The following CARF variants were observed in gnomAD, a reference collection of about 807,000 sequenced individuals.
The protein encoded by CARF is calcium-responsive transcription factor.
CARF carries 57 observed loss-of-function variants against 82.0 expected under a neutral mutation model. The observed-to-expected ratio is 0.70, with a 90% confidence interval of 0.56 to 0.87. CARF has a LOEUF of 0.87. CARF is among the 40% of genes least tolerant of loss of function. The probability of loss-of-function intolerance (pLI) is 0.00; values close to 1 mark genes in which losing one functional copy is unlikely to be tolerated. For synonymous variants in CARF, 268 were observed against 290.1 expected (o/e 0.92, Z 0.77); for missense variants, 771 against 855.8 (o/e 0.90, Z 1.24).
chr2:202,954,130 A>T lies in CARF; in HGVS notation c.553A>T (p.Thr185Ser). ...TSFPLPKKSV[T>S]GMLEEPLLGP... ...CTTCCCATTGCCCAAAAAGTCAGTG[A>T]CCGGGTGAGTCCACGGGAAAGAGAA... The change falls in exon 7 of 17, where the codon ACC (threonine) becomes TCC (serine). Residue 185 changes from threonine to serine, a missense_variant. Physicochemically the swap from Thr to Ser is moderately conservative, Grantham distance 58. Transcript: ENST00000438828. 1 of 1,612,290 alleles carries T rather than the reference A, an allele frequency of 6.2e-7. No individual in the cohort carries two copies. Among genetic ancestry groups the T allele is most frequent in the South Asian group, 1.1e-5 (1 of 90,686 alleles).
chr2:202,912,881 A>G lies in CARF; in HGVS notation c.-551A>G, dbSNP rs1041035742. 4 of 151,726 alleles carry G rather than the reference A, an allele frequency of 2.6e-5. No individual in the cohort carries two copies. Among genetic ancestry groups the G allele is most frequent in the Admixed American group, 2.6e-4 (4 of 15,228 alleles). The allele number at this position is 151,726 out of a possible 1,614,324, so 9.4% of individuals were successfully genotyped here. A position where few individuals can be genotyped will look rare whatever the true frequency, so the allele number is the denominator to read the frequency against. ...TAGAAGGGGAAAATCATCCTCCCAC[A>G]CCTTCTCCCCGACTTTTTGCCTTTT... On this transcript the variant is annotated 5_prime_UTR_variant, in exon 1 of 17. Coordinates refer to ENST00000438828, the MANE Select transcript of CARF (RefSeq NM_024744.17).
intron 5 of CARF, among the ~76,000 whole-genome samples, chr2:202,948,747 C>T (rs187376048): frequency 7.2e-5 from 11 of 152,080 alleles, no homozygotes; most frequent in South Asian, 2.1e-4. Context: ...AGCTTTTGGA[C>T]GGAGAATATG....
At chr2:202,967,760 A>G (rs2059613212) in intron 10 of CARF, among the ~76,000 whole-genome samples, 1 of 152,226 alleles carries the variant, frequency 6.6e-6, no homozygotes, top group Non-Finnish European at 1.5e-5. Context: ...TTGCTAGGGC[A>G]AAGGCTGTAT....
rs1260005267 is a variant in CARF at position 202,961,276 on chromosome 2, A to C, written c.682A>C (p.Thr228Pro). The C allele has an allele frequency of 1.2e-6, 2 of 1,614,054 alleles. No individual in the cohort carries two copies. The highest frequency in any genetic ancestry group is 3.3e-5 in the Admixed American group (2 of 59,998). Reference sequence around the variant, plus strand: ...ATACCGTGGCTACTGTGTAAGTGAGACTGAATTAGAAAGTGTCCTAACATT... The same window carrying C: ...ATACCGTGGCTACTGTGTAAGTGAGCCTGAATTAGAAAGTGTCCTAACATT... ...DSYRGYCVSE[T>P]ELESVLTFHK... Residue 228 changes from threonine (T) to proline (P), a missense_variant, in exon 9 of 17, where the codon ACT becomes CCT. Coordinates refer to ENST00000438828, the MANE Select transcript of CARF (RefSeq NM_024744.17).
At chr2:202,942,068 T>A (rs570173999) in intron 4 of CARF, 88 bp downstream of exon 4, 18 of 1,034,770 alleles carry the variant, frequency 1.7e-5, no homozygotes, top group Non-Finnish European at 2.5e-5. Flanking sequence ...ATAGCTGTTA[T>A]ATTTAGTGTA....
intron 3 of CARF, among the ~76,000 whole-genome samples, chr2:202,933,852 C>A (rs1180572543): frequency 8.2e-6 from 1 of 122,660 alleles, no homozygotes; most frequent in Non-Finnish European, 2.0e-5. Context: ...GTCTGCTTTT[C>A]TTTTCTTTCC....
At chr2:202,923,542 A>G (rs550618646) in intron 2 of CARF, among the ~76,000 whole-genome samples, 93 of 152,322 alleles carry the variant, frequency 6.1e-4, no homozygotes, top group African/African-American at 2.1e-3. Flanking sequence ...GAAAATGACC[A>G]TACTGCCAAA....
intron 9 of CARF, 139 bp downstream of exon 9, chr2:202,961,565 T>G (rs2105884365): frequency 1.5e-6 from 1 of 678,684 alleles, no homozygotes; most frequent in East Asian, 2.7e-5. Flanking sequence ...CATATTAAAT[T>G]GAAAAAACTT....
chr2:202,942,664 T>C, intron 4 of CARF, 76 bp from the exon 5 acceptor site: 1 of 1,161,682 alleles, frequency 8.6e-7, no homozygotes, highest in Non-Finnish European at 1.2e-6. Flanking sequence ...AAAATGGATG[T>C]CTTTTCATTT....
Position 202,987,162 on chromosome 2 carries a change from T to G in CARF, c.*3538T>G, listed in dbSNP as rs2060477742. On this transcript the variant is annotated 3_prime_UTR_variant, in exon 17 of 17. Transcript: ENST00000438828. The stretch of plus-strand genomic sequence containing the variant: ...GCATTACATTTTGGGGAGACATATA[T>G]GCATTTAATACCCTGCAACTCAGCC... The G allele has an allele frequency of 1.3e-5, 2 of 151,658 alleles. No homozygotes were observed. The highest frequency in any genetic ancestry group is 6.6e-5 in the Admixed American group (1 of 15,180). The allele number at this position is 151,658 out of a possible 1,614,324, so 9.4% of individuals were successfully genotyped here.
intron 8 of CARF, among the ~76,000 whole-genome samples, chr2:202,956,173 C>T (rs183485430): frequency 2.0e-5 from 3 of 151,838 alleles, no homozygotes; most frequent in Non-Finnish European, 4.4e-5. Context: ...GAGCACTTAC[C>T]TACTTTGTTG....
intron 9 of CARF, chr2:202,962,142 A>G (rs1465446726): frequency 6.6e-6 from 1 of 152,222 alleles, no homozygotes; most frequent in African/African-American, 2.4e-5. Context: ...GAGTTTCATC[A>G]GTATTCTATA....
intron 2 of CARF, among the ~76,000 whole-genome samples, chr2:202,923,826 G>T (rs1016157206): frequency 6.6e-6 from 1 of 152,112 alleles, no homozygotes; most frequent in Non-Finnish European, 1.5e-5. Context: ...ACCCACATAC[G>T]TAACAGCCAA....
intron 10 of CARF, among the ~76,000 whole-genome samples, chr2:202,968,459 T>TA (rs2059644174): frequency 6.6e-6 from 1 of 152,094 alleles, no homozygotes; most frequent in South Asian, 2.1e-4. Context: ...AAAGCCCATT[T>TA]ACAAGGCTTT....
At chr2:202,914,646 G>A (rs1171541126) in intron 1 of CARF, among the ~76,000 whole-genome samples, 5 of 151,878 alleles carry the variant, frequency 3.3e-5, no homozygotes, top group Admixed American at 2.6e-4. Context: ...AGGCATGGTG[G>A]GGGGTGCCTA....
Position 202,986,318 on chromosome 2 carries a change from G to A in CARF, c.*2694G>A, listed in dbSNP as rs2060425257. ...ATGTTTAATTATTTTGAAATGTATA[G>A]GGTATTAAATACAAGCTTCTAAAAT... On this transcript the variant is annotated 3_prime_UTR_variant, in exon 17 of 17. Transcript: ENST00000438828. The A allele has an allele frequency of 6.6e-6, 1 of 152,038 alleles. No homozygotes were observed. Among genetic ancestry groups the A allele is most frequent in the Admixed American group, 6.6e-5 (1 of 15,262 alleles). The allele number at this position is 152,038 out of a possible 1,614,324, so 9.4% of individuals were successfully genotyped here.
chr2:202,961,729 A>G (rs1574704621), intron 9 of CARF: 2 of 434,616 alleles, frequency 4.6e-6, no homozygotes, highest in East Asian at 3.9e-5. Context: ...TATTTTAAAT[A>G]TGTACATCAG....
intron 5 of CARF, among the ~76,000 whole-genome samples, chr2:202,950,277 T>C (rs1266511587): frequency 4.6e-5 from 7 of 152,196 alleles, no homozygotes; most frequent in Admixed American, 4.6e-4. Context: ...TAAGAGGATA[T>C]TCCACAGATC....
chr2:202,939,857 T>G (rs2058142353), intron 3 of CARF, among the ~76,000 whole-genome samples: 1 of 151,790 alleles, frequency 6.6e-6, no homozygotes, highest in African/African-American at 2.4e-5. Flanking sequence ...CATGGCTGAT[T>G]GTTAAATTTT....
Sources: allele counts gnomAD v4.1 joint callset (sites outside exome capture counted in the v4.1 genomes callset), GRCh38; gene constraint gnomAD v4.1.1; transcripts MANE v1.5; gene names NCBI Gene and HGNC (gene_info 2026-07-23, HGNC 2026-07-21).